PWWP2A: variants seen among roughly 807,000 people sequenced by gnomAD.
The protein encoded by PWWP2A is PWWP domain-containing protein 2A.
Under a neutral mutation model 48.5 loss-of-function variants are expected in PWWP2A, and 18 were observed. The ratio of observed to expected loss-of-function variants is 0.37; its 90% confidence interval spans 0.26 to 0.55. The LOEUF is 0.55. Among genes scored for constraint, PWWP2A ranks in the 20% least tolerant of loss-of-function variants. The pLI, the probability that PWWP2A is intolerant of heterozygous loss-of-function variation, is 0.81. For synonymous variants in PWWP2A, 396 were observed against 387.7 expected (o/e 1.02, Z -0.25); for missense variants, 867 against 976.4 (o/e 0.89, Z 1.49).
rs562331409 is a variant in PWWP2A, at chr5:160,101,826, C to T, written c.585-7761G>A. The stretch of plus-strand genomic sequence containing the variant: ...ACTATTAAAAAAAAAAAAAAAAATG[C>T]GTGGCCGGCCACTGGGGCTCATGCC... On this transcript the variant is annotated intron_variant, in intron 1 of 1. Transcript: ENST00000307063. Among the ~76,000 whole-genome samples the T allele has an allele frequency of 2.3e-3, 342 of 149,820 alleles. 2 individuals are homozygous for T. The highest frequency in any genetic ancestry group is 7.8e-3 in the African/African-American group (320 of 40,974).
exon 3 of PWWP2A, chr5:160,080,723 C>G (rs1328012293): frequency 6.4e-7 from 1 of 1,573,190 alleles, no homozygotes; most frequent in African/African-American, 1.3e-5. Context: ...TGTAAGGGAG[C>G]AGCAGGACTC....
chr5:160,097,605 A>T (rs1360184290), intron 1 of PWWP2A, among the ~76,000 whole-genome samples: 1 of 150,092 alleles, frequency 6.7e-6, no homozygotes, highest in African/African-American at 2.4e-5. Flanking sequence ...ACTCCAGCCT[A>T]GCAACAGAGA....
chr5:160,045,512 ACATACACACTCT>A, the PWWP2A span, among the ~76,000 whole-genome samples: 25 of 42,836 alleles, frequency 5.8e-4, no homozygotes, highest in African/African-American at 1.6e-3. Context: ...ACACACACAC[ACATACACACTCT>A]CTCTCTCTCT....
At chr5:160,057,560 C>T (rs1757576505), downstream of PWWP2A, among the ~76,000 whole-genome samples, 1 of 152,176 alleles carries the variant, frequency 6.6e-6, no homozygotes. This position sits in a 1 kb window ranked among gnomAD's most constrained non-coding sequence, Gnocchi z 4.4. Flanking sequence ...AGTTGCTAAA[C>T]ATTGGGGTGT....
intron 3 of PWWP2A, among the ~76,000 whole-genome samples, chr5:160,079,674 G>A (rs1465502843): frequency 6.6e-6 from 1 of 152,146 alleles, no homozygotes; most frequent in Admixed American, 6.6e-5. Flanking sequence ...CAATTTTAGT[G>A]AGGCCTATTT....
At chr5:160,103,128 T>C (rs1250996981) in intron 1 of PWWP2A, among the ~76,000 whole-genome samples, 6 of 152,204 alleles carry the variant, frequency 3.9e-5, no homozygotes, top group Admixed American at 3.3e-4. Flanking sequence ...TTTATTTACA[T>C]AGAGAATGAC....
At chr5:160,091,028 T>TA (rs1360919761), downstream of PWWP2A, 8 of 984,878 alleles carry the variant, frequency 8.1e-6, no homozygotes, top group Admixed American at 6.2e-5. Context: ...TACCCGAATG[T>TA]AAAAAAAGGA....
intron 1 of PWWP2A, chr5:160,108,491 G>A: frequency 2.5e-6 from 2 of 792,788 alleles, no homozygotes; most frequent in Non-Finnish European, 3.7e-6. Context: ...CTACTTGAGG[G>A]CCTAAGTTCT....
At chr5:160,050,954 C>T in the PWWP2A span, among the ~76,000 whole-genome samples, 4 of 146,304 alleles carry the variant, frequency 2.7e-5, no homozygotes, top group African/African-American at 1.0e-4. Flanking sequence ...TTATGTAGCG[C>T]ACCACAAACA....
At chr5:160,085,999 AAT>A (rs1754606170) in intron 2 of PWWP2A, among the ~76,000 whole-genome samples, 1 of 150,532 alleles carries the variant, frequency 6.6e-6, no homozygotes, top group Non-Finnish European at 1.5e-5. Flanking sequence ...TTGTATTTTT[AAT>A]AGAGACGGGG....
chr5:160,105,405 G>A (rs1756779800), intron 1 of PWWP2A, among the ~76,000 whole-genome samples: 1 of 151,738 alleles, frequency 6.6e-6, no homozygotes, highest in Non-Finnish European at 1.5e-5. Context: ...GGGCACGGAG[G>A]CACACGCCTG....
chr5:160,058,791 T>A (rs564740508), downstream of PWWP2A, among the ~76,000 whole-genome samples: 5 of 152,318 alleles, frequency 3.3e-5, no homozygotes, highest in African/African-American at 9.6e-5. Context: ...GGATGTTGTG[T>A]TAGGAGGTTT....
chr5:160,115,137 C>CAA (rs535110852), intron 1 of PWWP2A, among the ~76,000 whole-genome samples: 1,447 of 88,084 alleles, frequency 0.016, 129 homozygotes, highest in South Asian at 0.025. Context: ...GAGACTCTGT[C>CAA]AAAAAAAAAA....
downstream of PWWP2A, among the ~76,000 whole-genome samples, chr5:160,073,243 T>C (rs537443297): frequency 4.0e-5 from 6 of 149,522 alleles, no homozygotes; most frequent in African/African-American, 1.5e-4. Context: ...TTTTTTTTTT[T>C]CTTGAGACGG....
At chr5:160,088,997 T>C (rs7447998), downstream of PWWP2A, among the ~76,000 whole-genome samples, 102,161 of 152,048 alleles carry the variant, frequency 0.67, 34,345 homozygotes, top group East Asian at 0.72. Context: ...ATATTCATTT[T>C]GTTGATTTTA....
At chr5:160,108,649 T>C (rs185539385) in intron 1 of PWWP2A, 2 of 1,187,928 alleles carry the variant, frequency 1.7e-6, no homozygotes, top group Non-Finnish European at 1.1e-6. Flanking sequence ...TTGGTTTATA[T>C]TTCCTCAAAA....
chr5:160,094,346 T>C (rs1755395993), intron 1 of PWWP2A, among the ~76,000 whole-genome samples: 1 of 152,262 alleles, frequency 6.6e-6, no homozygotes, highest in African/African-American at 2.4e-5. Context: ...TGAATCAGAA[T>C]GTTTTCTCAG....
At chr5:160,081,893 T>C (rs1754260058) in intron 2 of PWWP2A, among the ~76,000 whole-genome samples, 1 of 152,244 alleles carries the variant, frequency 6.6e-6, no homozygotes, top group Non-Finnish European at 1.5e-5. Flanking sequence ...TATAATTGTT[T>C]TTTTAATGCT....
At chr5:160,102,463 T>C (rs1194771331) in intron 1 of PWWP2A, among the ~76,000 whole-genome samples, 1 of 146,254 alleles carries the variant, frequency 6.8e-6, no homozygotes, top group Non-Finnish European at 1.5e-5. Context: ...TACTAGCTAA[T>C]CAAGAGGCTG....
Sources: allele counts gnomAD v4.1 joint callset (sites outside exome capture counted in the v4.1 genomes callset), GRCh38; gene constraint gnomAD v4.1.1; non-coding constraint Gnocchi (gnomAD v3.1); transcripts MANE v1.5; gene names NCBI Gene and HGNC (gene_info 2026-07-23, HGNC 2026-07-21).